ULK4: variants seen among roughly 807,000 people sequenced by gnomAD.
The protein encoded by ULK4 is inactive serine/threonine-protein kinase ULK4.
In ULK4, 133 loss-of-function variants were observed where a neutral mutation model predicts 160.6. The ratio of observed to expected loss-of-function variants is 0.83; its 90% CI spans 0.72 to 0.96. The LOEUF (loss-of-function observed/expected upper bound fraction) is 0.96, where lower values mean the gene tolerates loss of function less well. ULK4 is among the 40% of genes least tolerant of loss of function. The pLI is 0.00. For missense variants in ULK4, 1,580 were observed against 1,499.5 expected, an observed-to-expected ratio of 1.05 and a Z score of -0.89; for synonymous variants, 534 against 539.8, an observed-to-expected ratio of 0.99 and a Z score of 0.15.
At chr3:41,897,201 A>G (rs1223710332) in intron 14 of ULK4, among the ~76,000 whole-genome samples, 198 bp from the exon 15 acceptor site, 1 of 152,210 alleles carries the variant, frequency 6.6e-6, no homozygotes, top group African/African-American at 2.4e-5. Flanking sequence ...ATCCACGGAA[A>G]CTTTTTAACC....
At chr3:41,522,486 T>C (rs539045774) in intron 32 of ULK4, among the ~76,000 whole-genome samples, 2 of 152,242 alleles carry the variant, frequency 1.3e-5, no homozygotes, top group African/African-American at 4.8e-5. Context: ...TTTCTGATAA[T>C]TGAAAATATG....
intron 21 of ULK4, among the ~76,000 whole-genome samples, chr3:41,758,172 G>A (rs2038868776): frequency 6.6e-6 from 1 of 152,080 alleles, no homozygotes; most frequent in Admixed American, 6.5e-5. Context: ...GCCCACAATA[G>A]ACACCAAAGC....
Position 41,343,734 on chromosome 3 carries a change from T to C in ULK4, c.3678+54345A>G, listed in dbSNP as rs60594893. Among the ~76,000 whole-genome samples, 154 of 152,300 alleles carry C rather than the reference T, an allele frequency of 1.0e-3. 2 individuals carry two copies. The highest frequency in any genetic ancestry group is 3.7e-3 in the African/African-American group (152 of 41,570). Reference sequence around the variant, plus strand: ...GACAAGCCAAGAGCCAAATCATGAATGAACTCCCATTCACAATTGCTACAA... The same window carrying C: ...GACAAGCCAAGAGCCAAATCATGAACGAACTCCCATTCACAATTGCTACAA... On this transcript the variant is annotated intron_variant, in intron 35 of 36. Coordinates refer to ENST00000301831, the MANE Select transcript of ULK4 (RefSeq NM_017886.4).
rs554474579 is a variant in ULK4 at position 41,603,210 on chromosome 3, A to C, written c.3120+12459T>G. Among the ~76,000 whole-genome samples, 5 of 152,238 alleles carry C rather than the reference A, an allele frequency of 3.3e-5. No individual in the cohort carries two copies. The South Asian group carries it at 1.0e-3, about 32-fold the overall frequency. ...AGAAAAAATAAACTTCAGAGGGAGG[A>C]AATTAACAGGAACATAAAGAAACAC... On this transcript the variant is annotated intron_variant, in intron 31 of 36. Coordinates refer to ENST00000301831, the MANE Select transcript of ULK4 (RefSeq NM_017886.4).
intron 30 of ULK4, among the ~76,000 whole-genome samples, chr3:41,661,468 T>C (rs1182593773): frequency 6.6e-6 from 1 of 151,366 alleles, no homozygotes; most frequent in Non-Finnish European, 1.5e-5. Context: ...CACATATATA[T>C]ACATACAGAT....
At chr3:41,743,024 G>A (rs1367633569) in intron 22 of ULK4, among the ~76,000 whole-genome samples, 1 of 151,876 alleles carries the variant, frequency 6.6e-6, no homozygotes, top group African/African-American at 2.4e-5. Flanking sequence ...CCAAAGAGGG[G>A]AAGAGAGAGA....
intron 35 of ULK4, among the ~76,000 whole-genome samples, chr3:41,319,813 C>T (rs2080213434): frequency 6.6e-6 from 1 of 152,088 alleles, no homozygotes; most frequent in African/African-American, 2.4e-5. Context: ...ATAACTCTCC[C>T]AGAAACATTA....
chr3:41,733,723 T>C (rs1355032445), intron 22 of ULK4, among the ~76,000 whole-genome samples: 1 of 141,158 alleles, frequency 7.1e-6, no homozygotes, highest in Non-Finnish European at 1.5e-5. Context: ...ACTAAACACA[T>C]GATTTTTTTT....
At chr3:41,316,081 CAT>C (rs2080137557) in intron 35 of ULK4, among the ~76,000 whole-genome samples, 1 of 152,068 alleles carries the variant, frequency 6.6e-6, no homozygotes, top group Admixed American at 6.6e-5. Flanking sequence ...ACACAAAACA[CAT>C]ATACAAATGT....
intron 34 of ULK4, among the ~76,000 whole-genome samples, chr3:41,424,359 C>T (rs542937181): frequency 4.6e-5 from 7 of 152,148 alleles, no homozygotes; most frequent in African/African-American, 1.4e-4. Flanking sequence ...CTGAGGAATC[C>T]GGGCAGTCTG....
At chr3:41,925,037 T>C (rs530678217) in intron 5 of ULK4, among the ~76,000 whole-genome samples, 3 of 152,230 alleles carry the variant, frequency 2.0e-5, no homozygotes, top group East Asian at 1.9e-4. Context: ...CCCTCAAGTA[T>C]AGCAATTTTA....
intron 32 of ULK4, among the ~76,000 whole-genome samples, chr3:41,464,794 G>A (rs1295038267): frequency 6.6e-6 from 1 of 152,186 alleles, no homozygotes; most frequent in Admixed American, 6.5e-5. Context: ...GAGCAGCAAA[G>A]AAGGATATGG....
chr3:41,840,841 T>C (rs957350881), intron 17 of ULK4, among the ~76,000 whole-genome samples: 8 of 151,762 alleles, frequency 5.3e-5, no homozygotes, highest in African/African-American at 1.9e-4. Context: ...ACCCATTGTC[T>C]GGGATGTGGG....
At chr3:41,506,509 T>G (rs2085376691) in intron 32 of ULK4, among the ~76,000 whole-genome samples, 1 of 151,788 alleles carries the variant, frequency 6.6e-6, no homozygotes, top group Non-Finnish European at 1.5e-5. Context: ...AATCCTGGAT[T>G]GTAGTCATTT....
At position 41,446,619 on chromosome 3, in the gene ULK4, C is replaced by T. The variant is rs961766732; in HGVS notation, c.3492+8878G>A. The stretch of plus-strand genomic sequence containing the variant: ...GAAACCATCATTCTCAGCAAACTAT[C>T]GCAGGGACAAAAAAAACAAACACCG... On this transcript the variant is annotated intron_variant, in intron 34 of 36. Coordinates refer to ENST00000301831, the MANE Select transcript of ULK4 (RefSeq NM_017886.4). Among the ~76,000 whole-genome samples the T allele has an allele frequency of 2.9e-5, 4 of 138,576 alleles. No individual in the cohort carries two copies. In the South Asian group the frequency reaches 9.2e-4, roughly 32 times the overall value. 90.9% of individuals were successfully genotyped at this position (138,576 alleles called of 152,430 possible).
At chr3:41,660,392 G>A (rs1316545070) in intron 30 of ULK4, among the ~76,000 whole-genome samples, 1 of 152,160 alleles carries the variant, frequency 6.6e-6, no homozygotes, top group African/African-American at 2.4e-5. Context: ...AGGGGAAGAT[G>A]AGGAAAGAAC....
intron 35 of ULK4, among the ~76,000 whole-genome samples, chr3:41,377,641 C>T (rs1256456888): frequency 3.2e-4 from 46 of 142,990 alleles, no homozygotes; most frequent in South Asian, 9.3e-4. Context: ...CATCACTGGC[C>T]ATCAGAGAAA....
At chr3:41,726,278 A>G (rs975052945) in intron 22 of ULK4, among the ~76,000 whole-genome samples, 1 of 152,244 alleles carries the variant, frequency 6.6e-6, no homozygotes, top group Non-Finnish European at 1.5e-5. Context: ...AATGGGATCC[A>G]TAACAGTTTA....
chr3:41,625,684 G>C (rs569724870), intron 30 of ULK4, among the ~76,000 whole-genome samples: 3 of 152,306 alleles, frequency 2.0e-5, no homozygotes, highest in African/African-American at 7.2e-5. Flanking sequence ...ATCGGGCTCT[G>C]TTGTGGTTGG....
Sources: gnomAD v4.1 joint callset for allele counts (sites outside exome capture counted in the v4.1 genomes callset) on GRCh38, gnomAD v4.1.1 for gene constraint, MANE v1.5 for transcripts, NCBI Gene and HGNC (gene_info 2026-07-23, HGNC 2026-07-21) for gene names.